ASPM: variants seen among roughly 807,000 people sequenced by gnomAD.
The protein encoded by ASPM is abnormal spindle-like microcephaly-associated protein.
ASPM carries 256 observed loss-of-function variants against 366.4 expected under a neutral mutation model. The observed-to-expected ratio is 0.70, with a 90% CI of 0.63 to 0.77. ASPM has a LOEUF of 0.77. Ranked by LOEUF, ASPM falls within the 30% of genes least tolerant of loss-of-function variation. The pLI, the probability that ASPM is intolerant of heterozygous loss-of-function variation, is 0.00. For missense variants in ASPM, 4,146 were observed against 4,090.4 expected, an observed-to-expected ratio of 1.01 and a Z score of -0.37; for synonymous variants, 1,414 against 1,342.9, an observed-to-expected ratio of 1.05 and a Z score of -1.16.
chr1:197,100,445 T>C lies in ASPM; in HGVS notation c.8806A>G (p.Thr2936Ala), dbSNP rs1399942739. The C allele has an allele frequency of 1.3e-6, 2 of 1,549,180 alleles. No individual in the cohort carries two copies. The highest frequency in any genetic ancestry group is 2.8e-5 in the African/African-American group (2 of 72,170). Residue 2936 changes from threonine (T) to alanine (A), a missense_variant, in exon 18 of 28, where the codon ACC becomes GCC. Transcript: ENST00000367409. ...TATAGAAATACCTGAATTTTTATGG[T>C]GCTATTTTTAATTTCCTGAAACTTC... ...KRKFQEIKNS[T>A]IKIQAMWRRY...
chr1:197,110,000 T>C (rs4915327), intron 17 of ASPM, among the ~76,000 whole-genome samples: 119,281 of 151,964 alleles, frequency 0.78, 50,020 homozygotes, highest in East Asian at 1. Context: ...GTTGTCAGTG[T>C]ACCTCAAAAT....
intron 16 of ASPM, 72 bp downstream of exon 16, chr1:197,121,843 T>C (rs1167829123): frequency 6.7e-7 from 1 of 1,496,114 alleles, no homozygotes; most frequent in African/African-American, 1.4e-5. Flanking sequence ...TGTAAAATCA[T>C]ATCAAAAATC....
In ASPM at chr1:197,103,838, C is replaced by T. The variant is rs1224240626; in HGVS notation, c.5413G>A (p.Ala1805Thr). 4 of 1,612,990 alleles carry T rather than the reference C, an allele frequency of 2.5e-6. No homozygotes were observed. The Admixed American group carries it at 6.7e-5, about 27-fold the overall frequency. The change falls in exon 18 of 28, where the codon GCT (alanine) becomes ACT (threonine). Residue 1805 changes from alanine to threonine, a missense_variant. By Grantham distance (58) the Ala-to-Thr change is moderately conservative. Transcript: ENST00000367409. ...RKNFLQVKKA[A>T]TCLQAAYRGY... ...CTGTAAGCTGCTTGCAAGCAAGTAG[C>T]TGCTTTTTTGACTTGCAAGAAGTTC... is the stretch of plus-strand genomic sequence containing the variant.
At chr1:197,132,383 A>G in intron 6 of ASPM, 31 bp from the exon 7 acceptor site, 2 of 1,583,752 alleles carry the variant, frequency 1.3e-6, no homozygotes, top group Non-Finnish European at 1.7e-6. Flanking sequence ...AAATAAGTTC[A>G]AATTGATAAT....
At chr1:197,095,073 T>C (rs1370994090) in intron 19 of ASPM, among the ~76,000 whole-genome samples, 1 of 151,798 alleles carries the variant, frequency 6.6e-6, no homozygotes, top group East Asian at 1.9e-4. Context: ...ACCTCGAACA[T>C]TTATCATTTC....
Position 197,146,198 on chromosome 1 carries a change from G to A in ASPM, c.240C>T (p.Ser80=). 3 of 1,613,798 alleles carry A rather than the reference G, an allele frequency of 1.9e-6. No individual in the cohort carries two copies. The highest frequency in any genetic ancestry group is 2.5e-6 in the Non-Finnish European group (3 of 1,179,914). The change falls in exon 1 of 28, where the codon TCC becomes TCT. Residue 80 remains serine, a synonymous_variant. Coordinates refer to ENST00000367409, the MANE Select transcript of ASPM (RefSeq NM_018136.5). The stretch of plus-strand genomic sequence containing the variant: ...AGCCCAGGTCCGCGGCCGGGAAGTG[G>A]GAGATCTTCACTTCTGCCACCTCCT... ...PNEEVAEVKI[S]HFPAADLGFS...
chr1:197,116,267 G>A (rs1443018688), intron 17 of ASPM, among the ~76,000 whole-genome samples: 2 of 152,120 alleles, frequency 1.3e-5, no homozygotes, highest in African/African-American at 4.8e-5. Flanking sequence ...AATAGAGTTT[G>A]GGCCTTCTCT....
At position 197,146,322 on chromosome 1, in the gene ASPM, A is replaced by C; in HGVS notation, c.116T>G (p.Leu39Arg). ...AEEEASSPPV[L>R]SLSHFCRSPF... ...AGACCTGCAGAAGTGGCTGAGAGAC[A>C]GGACCGGCGGGGAAGACGCCTCCTC... The change falls in exon 1 of 28, where the codon CTG (leucine) becomes CGG (arginine). Residue 39 changes from leucine (L) to arginine (R), a missense_variant. This residue lies in a region of ASPM where 512 missense variants were observed against 471.7 expected (regional missense o/e 1.09). Transcript: ENST00000367409. 4.3e-6 allele frequency: 7 copies of C among 1,613,746 alleles called. No homozygotes were observed. The highest frequency in any genetic ancestry group is 5.1e-6 in the Non-Finnish European group (6 of 1,180,000).
At chr1:197,117,676 TTAGA>T (rs1268266066) in intron 17 of ASPM, 109 bp downstream of exon 17, 31 of 923,702 alleles carry the variant, frequency 3.4e-5, no homozygotes, top group Non-Finnish European at 6.6e-6. Flanking sequence ...AAATTAAGTA[TTAGA>T]TAAAGAATCC....
Position 197,088,311 on chromosome 1 carries a change from A to T in ASPM, c.10106T>A (p.Phe3369Tyr). ...NKVADKGGSI[F>Y]TKTCCLLAIL... Reference sequence around the variant, plus strand: ...AGCCAACAAACAACAAGTTTTTGTAAAAATGCTTCCGCCTTTGTCTGCAAC... The same window carrying T: ...AGCCAACAAACAACAAGTTTTTGTATAAATGCTTCCGCCTTTGTCTGCAAC... Residue 3369 changes from phenylalanine to tyrosine, a missense_variant, in exon 26 of 28, where the codon TTT becomes TAT. Physicochemically the swap from Phe to Tyr is conservative, Grantham distance 22 (BLOSUM62 3). Transcript: ENST00000367409. The T allele has an allele frequency of 6.2e-7, 1 of 1,613,574 alleles. No individual in the cohort carries two copies. Among genetic ancestry groups the T allele is most frequent in the Non-Finnish European group, 8.5e-7 (1 of 1,179,760 alleles).
rs62624968 is a variant in ASPM, at chr1:197,104,188, G to A, written c.5063C>T (p.Thr1688Ile). The change falls in exon 18 of 28, where the codon ACT (threonine) becomes ATT (isoleucine). Residue 1688 changes from threonine (T) to isoleucine (I), a missense_variant. Physicochemically the swap from Thr to Ile is moderately conservative, Grantham distance 89. Coordinates refer to ENST00000367409, the MANE Select transcript of ASPM (RefSeq NM_018136.5). Reference protein sequence around the residue: ...LKNATIKLQSTVKMKQTRKQY... With the variant: ...LKNATIKLQSIVKMKQTRKQY... The stretch of plus-strand genomic sequence containing the variant: ...TTTACGTGTTTGTTTCATCTTAACA[G>A]TTGACTGCAATTTTATTGTAGCATT... 3.1e-3 allele frequency: 5,044 copies of A among 1,612,518 alleles called. 97 individuals are homozygous for A. The African/African-American group carries it at 0.046, about 15-fold the overall frequency.
Position 197,117,840 on chromosome 1 carries a change from T to A in ASPM, c.4014A>T (p.Leu1338Phe), listed in dbSNP as rs149706410. 1.9e-6 allele frequency: 3 copies of A among 1,613,074 alleles called. No homozygotes were observed. The African/African-American group carries it at 4.0e-5, about 22-fold the overall frequency. The change falls in exon 17 of 28, where the codon TTA (leucine) becomes TTT (phenylalanine). Residue 1338 changes from leucine to phenylalanine, a missense_variant. Physicochemically the swap from Leu to Phe is conservative, Grantham distance 22. Coordinates refer to ENST00000367409, the MANE Select transcript of ASPM (RefSeq NM_018136.5). ...GAACTTTTTCCAGCTTTTCCTTTTTTAACATTAATAATTTTCTCTGTGCTA... is the reference window on the plus strand; with the variant it reads ...GAACTTTTTCCAGCTTTTCCTTTTTAAACATTAATAATTTTCTCTGTGCTA... Reference protein sequence around the residue: ...RVLAQRKLLMLKKEKLEKVQN... With the variant: ...RVLAQRKLLMFKKEKLEKVQN...
At position 197,101,239 on chromosome 1, in the gene ASPM, C is replaced by G; in HGVS notation, c.8012G>C (p.Cys2671Ser). ...LTAVRTQAVICIQSYYRGFKV... is the reference protein window; with the variant it reads ...LTAVRTQAVISIQSYYRGFKV... ...AAAGCCTCTGTAATAAGACTGTATA[C>G]AAATAACTGCTTGGGTACGCACTGC... Residue 2671 changes from cysteine (C) to serine (S), a missense_variant, in exon 18 of 28, where the codon TGT becomes TCT. By Grantham distance (112) the Cys-to-Ser change is moderately radical. Around this residue, in one of 3 missense-constraint regions of ASPM, gnomAD observed 3,624 missense variants for 3,591.7 expected, o/e 1.01. Coordinates refer to ENST00000367409, the MANE Select transcript of ASPM (RefSeq NM_018136.5). 1 of 1,612,178 alleles carries G rather than the reference C, an allele frequency of 6.2e-7. No homozygotes were observed. Among genetic ancestry groups the G allele is most frequent in the Non-Finnish European group, 8.5e-7 (1 of 1,178,998 alleles).
chr1:197,137,091 A>G (rs905599619), intron 4 of ASPM, among the ~76,000 whole-genome samples: 1 of 152,198 alleles, frequency 6.6e-6, no homozygotes, highest in African/African-American at 2.4e-5. Flanking sequence ...TAGATATGGA[A>G]TAATATTGGT....
rs1422724663 is a variant in ASPM, at chr1:197,129,800, GAC to G, written c.2629+113_2629+114del. ...AGGAAGGGAGAGTACTAGAAGCAGA[GAC>G]TTATTTAGATTGGTTTCTTTGAGAA... On this transcript the variant is annotated intron_variant, in intron 8 of 27. Coordinates refer to ENST00000367409, the MANE Select transcript of ASPM (RefSeq NM_018136.5). 2.5e-6 allele frequency: 3 copies of G among 1,211,082 alleles called. No homozygotes were observed. In the East Asian group the frequency reaches 7.3e-5, roughly 29 times the overall value. The allele number at this position is 1,211,082 out of a possible 1,614,324, so 75.0% of individuals were successfully genotyped here.
intron 19 of ASPM, among the ~76,000 whole-genome samples, chr1:197,095,713 T>G (rs1219472353): frequency 1.3e-5 from 2 of 151,616 alleles, no homozygotes; most frequent in Admixed American, 1.3e-4. Flanking sequence ...TTTATTCACT[T>G]CCTACGTCTC....
chr1:197,136,783 ACT>A (rs1238171673), intron 4 of ASPM, among the ~76,000 whole-genome samples: 46 of 152,114 alleles, frequency 3.0e-4, no homozygotes, highest in Admixed American at 2.9e-3. Flanking sequence ...AAATCTGGAA[ACT>A]CTATTTCACA....
chr1:197,143,608 T>G lies in ASPM; in HGVS notation c.644A>C (p.Glu215Ala), dbSNP rs114695225. ...PPTENNSLIL[E>A]ENKIPISPIS... ...AGGTGATATGGGTATTTTATTTTCT[T>G]CAAGTATTAAAGAATTGTTTTCTGT... The change falls in exon 3 of 28, where the codon GAA becomes GCA. Residue 215 changes from glutamate (E) to alanine (A), a missense_variant. Glu to Ala is a moderately radical substitution (Grantham distance 107). Around this residue, in one of 3 missense-constraint regions of ASPM, gnomAD observed 512 missense variants for 471.7 expected, o/e 1.09. Coordinates refer to ENST00000367409, the MANE Select transcript of ASPM (RefSeq NM_018136.5). 1.4e-3 allele frequency: 2,319 copies of G among 1,613,142 alleles called. 25 individuals are homozygous for G. The African/African-American group carries it at 0.026, about 18-fold the overall frequency.
chr1:197,129,542 A>T (rs368551333), intron 8 of ASPM, among the ~76,000 whole-genome samples: 10 of 152,130 alleles, frequency 6.6e-5, no homozygotes, highest in African/African-American at 2.4e-4. Flanking sequence ...TTTTCAATTC[A>T]TAGATGAGGA....
Sources: allele counts gnomAD v4.1 joint callset (sites outside exome capture counted in the v4.1 genomes callset), GRCh38; gene constraint gnomAD v4.1.1; regional missense constraint gnomAD v4.1.1; transcripts MANE v1.5; gene names NCBI Gene and HGNC (gene_info 2026-07-23, HGNC 2026-07-21).